UGT1A10: variants seen among roughly 807,000 people sequenced by gnomAD.
UGT1A10 encodes the protein UDP-glucuronosyltransferase 1A10.
A neutral mutation model predicts 45.8 loss-of-function variants in UGT1A10; 49 were observed. The ratio of observed to expected loss-of-function variants is 1.07; its 90% CI spans 0.85 to 1.36. The LOEUF is 1.36. UGT1A10 is among the 40% of genes most tolerant of loss of function. UGT1A10 has a pLI of 0.00. For synonymous variants in UGT1A10, 284 were observed against 249.7 expected (o/e 1.14, Z -1.29); for missense variants, 745 against 668.6 (o/e 1.11, Z -1.26).
chr2:233,703,467 T>C (rs1299395084), intron 1 of UGT1A10, among the ~76,000 whole-genome samples: 1 of 152,154 alleles, frequency 6.6e-6, no homozygotes, highest in African/African-American at 2.4e-5. Context: ...CTATTCTTTA[T>C]TATTTTCTGC....
chr2:233,714,839 T>A (rs2076415315), intron 1 of UGT1A10, among the ~76,000 whole-genome samples: 1 of 152,336 alleles, frequency 6.6e-6, no homozygotes, highest in East Asian at 1.9e-4. Flanking sequence ...GGTGAATGTT[T>A]ATAAATATTC....
Position 233,660,235 on chromosome 2 carries a change from G to A in UGT1A10, c.855+22858G>A, listed in dbSNP as rs369924846. On this transcript the variant is annotated intron_variant, in intron 1 of 4. Transcript: ENST00000344644. ...ATCCTTCTAGATTTTCATGATGTTC[G>A]CCCCGCTGACATTCTCTTCCATAGT... Among the ~76,000 whole-genome samples the A allele has an allele frequency of 5.3e-5, 8 of 152,212 alleles. No individual in the cohort carries two copies. The East Asian group carries it at 9.6e-4, about 18-fold the overall frequency.
chr2:233,711,817 C>T (rs984543868), intron 1 of UGT1A10, among the ~76,000 whole-genome samples: 1 of 152,154 alleles, frequency 6.6e-6, no homozygotes, highest in Non-Finnish European at 1.5e-5. Flanking sequence ...CATCCTGGGG[C>T]GACCAGGACA....
chr2:233,638,645 G>A (rs777908879), intron 1 of UGT1A10, among the ~76,000 whole-genome samples: 3 of 152,084 alleles, frequency 2.0e-5, no homozygotes, highest in Non-Finnish European at 4.4e-5. Context: ...GAAACACCTG[G>A]TGTCTCATCT....
intron 1 of UGT1A10, among the ~76,000 whole-genome samples, chr2:233,673,796 C>T (rs1448709980): frequency 6.6e-6 from 1 of 152,062 alleles, no homozygotes; most frequent in Non-Finnish European, 1.5e-5. Context: ...TTGTATCCAG[C>T]CACATTACTA....
chr2:233,742,756 G>T (rs1692089977), intron 1 of UGT1A10: 1 of 153,056 alleles, frequency 6.5e-6, no homozygotes, highest in Middle Eastern at 3.4e-3. Flanking sequence ...AAAATATTAA[G>T]ATAATAAATG....
intron 1 of UGT1A10, among the ~76,000 whole-genome samples, chr2:233,651,692 A>G (rs1467794821): frequency 6.6e-6 from 1 of 152,146 alleles, no homozygotes; most frequent in African/African-American, 2.4e-5. Flanking sequence ...GGAAAAGCAT[A>G]CAGTTTGTTG....
intron 1 of UGT1A10, chr2:233,743,951 A>G (rs1692602468): frequency 1.4e-5 from 19 of 1,344,342 alleles, no homozygotes; most frequent in Non-Finnish European, 1.9e-5. Context: ...AGGCACTGGC[A>G]CAGCGAGCGG....
intron 1 of UGT1A10, among the ~76,000 whole-genome samples, chr2:233,758,930 C>T (rs1427100702): frequency 6.6e-6 from 1 of 152,236 alleles, no homozygotes; most frequent in Non-Finnish European, 1.5e-5. Context: ...TCCCTTTTGA[C>T]TTCAAATCAG....
intron 1 of UGT1A10, among the ~76,000 whole-genome samples, chr2:233,669,565 G>A (rs1269125956): frequency 6.6e-6 from 1 of 152,062 alleles, no homozygotes; most frequent in Non-Finnish European, 1.5e-5. Context: ...TTTAGGTGCT[G>A]TTTTCATTCC....
Position 233,693,101 on chromosome 2 carries a change from C to T in UGT1A10, c.855+55724C>T, listed in dbSNP as rs1056441481. 6 of 1,613,966 alleles carry T rather than the reference C, an allele frequency of 3.7e-6. No homozygotes were observed. The African/African-American group carries it at 4.0e-5, about 11-fold the overall frequency. ...TGTAGGTGACAAGCTGCTGGTGGTCCCTCAGGACGGAAGCCACTGGCTTAG... is the reference window on the plus strand; with the variant it reads ...TGTAGGTGACAAGCTGCTGGTGGTCTCTCAGGACGGAAGCCACTGGCTTAG... On this transcript the variant is annotated intron_variant, in intron 1 of 4. Coordinates refer to ENST00000344644, the MANE Select transcript of UGT1A10 (RefSeq NM_019075.4).
chr2:233,690,015 A>G (rs950234716), intron 1 of UGT1A10: 1 of 440,784 alleles, frequency 2.3e-6, no homozygotes, highest in Non-Finnish European at 4.5e-6. Context: ...ACCATTTTGG[A>G]CCTTCCTCAA....
chr2:233,645,011 T>C (rs991996970), intron 1 of UGT1A10, among the ~76,000 whole-genome samples: 2 of 152,142 alleles, frequency 1.3e-5, no homozygotes, highest in African/African-American at 2.4e-5. Context: ...ATTAGAGATA[T>C]TGGGTTTGGG....
intron 1 of UGT1A10, among the ~76,000 whole-genome samples, chr2:233,644,113 C>G (rs558967707): frequency 7.2e-5 from 11 of 152,180 alleles, no homozygotes; most frequent in Non-Finnish European, 1.3e-4. Context: ...GGGCCTAGTA[C>G]AGCCCTAGAA....
intron 1 of UGT1A10, among the ~76,000 whole-genome samples, chr2:233,731,890 C>A (rs2125767900): frequency 6.6e-6 from 1 of 152,340 alleles, no homozygotes; most frequent in Admixed American, 6.5e-5. Flanking sequence ...AACTAATTTA[C>A]ACTCCCACCA....
chr2:233,688,577 C>G (rs2074902180), intron 1 of UGT1A10, among the ~76,000 whole-genome samples: 1 of 152,126 alleles, frequency 6.6e-6, no homozygotes, highest in African/African-American at 2.4e-5. Context: ...ATGAGTTCAT[C>G]TTGTTTTGGT....
chr2:233,649,336 T>G (rs1425874354), intron 1 of UGT1A10, among the ~76,000 whole-genome samples: 2 of 152,218 alleles, frequency 1.3e-5, no homozygotes, highest in Non-Finnish European at 2.9e-5. Flanking sequence ...TCCTCCTATC[T>G]AAGCCTTCCA....
intron 4 of UGT1A10, among the ~76,000 whole-genome samples, chr2:233,768,946 C>T (rs1699761608): frequency 6.6e-6 from 1 of 152,058 alleles, no homozygotes. Context: ...TCTTTAGTTT[C>T]TATATAATTT....
intron 1 of UGT1A10, among the ~76,000 whole-genome samples, chr2:233,733,673 A>G (rs1046219304): frequency 2.0e-5 from 3 of 152,206 alleles, no homozygotes; most frequent in African/African-American, 7.2e-5. Context: ...ATCGATGTGG[A>G]TAAACTTTTT....
Sources: allele counts gnomAD v4.1 joint callset (sites outside exome capture counted in the v4.1 genomes callset), GRCh38; gene constraint gnomAD v4.1.1; transcripts MANE v1.5; gene names NCBI Gene and HGNC (gene_info 2026-07-23, HGNC 2026-07-21).